The following CENPO variants were observed in gnomAD, a reference collection of about 807,000 sequenced individuals.
CENPO encodes the protein centromere protein O.
CENPO carries 30 observed loss-of-function variants against 36.1 expected under a neutral mutation model. That is an observed-to-expected ratio of 0.83 (90% confidence interval 0.62 to 1.13). The LOEUF (loss-of-function observed/expected upper bound fraction) is 1.13. Among genes scored for constraint, CENPO ranks in the 50% most tolerant of loss-of-function variants. The pLI is 0.00. For missense variants in CENPO, 349 were observed against 357.8 expected (o/e 0.98, Z 0.20); for synonymous variants, 171 against 142.3 (o/e 1.20, Z -1.44).
rs1667408526 is a variant in CENPO, at chr2:24,820,339, T to C, written c.*1021T>C. The C allele has an allele frequency of 7.5e-7, 1 of 1,330,132 alleles. No individual in the cohort carries two copies. The highest frequency in any genetic ancestry group is 9.6e-7 in the Non-Finnish European group (1 of 1,044,726). 82.4% of individuals were successfully genotyped at this position (1,330,132 alleles called of 1,614,324 possible). A position where few individuals can be genotyped will look rare whatever the true frequency, so the allele number is the denominator to read the frequency against. ...GGGGGCCTCCTCTCATCCAGAGACT[T>C]CTCTCCTAGGATGGCCATGGTCACC... On this transcript the variant is annotated 3_prime_UTR_variant, in exon 8 of 8. Transcript: ENST00000380834.
intron 3 of CENPO, among the ~76,000 whole-genome samples, chr2:24,806,945 G>A (rs1356545707): frequency 6.6e-6 from 1 of 152,146 alleles, no homozygotes; most frequent in Admixed American, 6.5e-5. Context: ...TAAATATCAG[G>A]TGATTTGGAT....
chr2:24,815,777 A>G, intron 5 of CENPO, 21 bp downstream of exon 5: 2 of 1,610,840 alleles, frequency 1.2e-6, no homozygotes, highest in Non-Finnish European at 1.7e-6. Flanking sequence ...GGGATGTTAT[A>G]TGCCTCATCC....
chr2:24,806,005 A>G (rs537379616), intron 3 of CENPO, among the ~76,000 whole-genome samples: 307 of 152,282 alleles, frequency 2.0e-3, no homozygotes, highest in African/African-American at 7.1e-3. Flanking sequence ...TTGTTTACCT[A>G]TCCAAGCCTC....
intron 3 of CENPO, among the ~76,000 whole-genome samples, chr2:24,802,036 C>T (rs539079663): frequency 1.2e-4 from 19 of 152,242 alleles, no homozygotes; most frequent in Non-Finnish European, 2.1e-4. Context: ...TTGAAGAGGT[C>T]CTTCACATCC....
At chr2:24,812,902 G>GTTTTTTTTTTTTTTT (rs35639594) in intron 3 of CENPO, among the ~76,000 whole-genome samples, 1 of 105,704 alleles carries the variant, frequency 9.5e-6, no homozygotes, top group African/African-American at 3.6e-5. Flanking sequence ...TATGCCTGTA[G>GTTTTTTTTTTTTTTT]TTTTTTTTTT....
intron 2 of CENPO, among the ~76,000 whole-genome samples, chr2:24,798,975 C>CT (rs70947846): frequency 0.031 from 3,540 of 114,136 alleles, 437 homozygotes; most frequent in African/African-American, 0.067. Context: ...CTGGGGCTTC[C>CT]TTTTTTTTTT....
rs202060563 is a variant in CENPO at position 24,799,856 on chromosome 2, G to A, written c.216+12G>A. The A allele has an allele frequency of 6.2e-7, 1 of 1,612,158 alleles. No individual in the cohort carries two copies. Among genetic ancestry groups the A allele is most frequent in the East Asian group, 2.2e-5 (1 of 44,878 alleles). On this transcript the variant is annotated intron_variant, in intron 3 of 7. Transcript: ENST00000380834. ...ACCGGCGAGCCAGCGTGAGTAGAAG[G>A]GTGGTATCAGCAGTTCCTTTAGAGT...
At chr2:24,817,204 A>G (rs1349068482) in intron 6 of CENPO, among the ~76,000 whole-genome samples, 1 of 152,210 alleles carries the variant, frequency 6.6e-6, no homozygotes, top group East Asian at 1.9e-4. Flanking sequence ...ACACGTCAGC[A>G]CACACTTACT....
intron 2 of CENPO, among the ~76,000 whole-genome samples, chr2:24,797,632 A>G (rs1157527433): frequency 6.6e-6 from 1 of 152,238 alleles, no homozygotes; most frequent in East Asian, 1.9e-4. Flanking sequence ...TCTGTTGTTC[A>G]TCACTATGTT....
intron 7 of CENPO, among the ~76,000 whole-genome samples, chr2:24,818,323 A>G (rs1389769104): frequency 1.3e-5 from 2 of 152,226 alleles, no homozygotes; most frequent in Non-Finnish European, 2.9e-5. Flanking sequence ...CACTGATCTA[A>G]ATAAATGGAA....
At chr2:24,810,014 C>T (rs1019101947) in intron 3 of CENPO, among the ~76,000 whole-genome samples, 4 of 150,690 alleles carry the variant, frequency 2.7e-5, no homozygotes, top group East Asian at 1.9e-4. Context: ...TGTCACTCTA[C>T]TCCAGCCTGG....
At position 24,820,535 on chromosome 2, in the gene CENPO, T is replaced by G; in HGVS notation, c.*1217T>G. 7.1e-7 allele frequency: 1 copy of G among 1,401,340 alleles called. No individual in the cohort carries two copies. The highest frequency in any genetic ancestry group is 1.5e-5 in the South Asian group (1 of 64,622). 86.8% of individuals were successfully genotyped at this position (1,401,340 alleles called of 1,614,324 possible). A position where few individuals can be genotyped will look rare whatever the true frequency, so the allele number is the denominator to read the frequency against. ...AGAACTTCAGCCCAGATTTTGTGGA[T>G]GGGTGGAAGTGTTTCTTCCTGTGCT... On this transcript the variant is annotated 3_prime_UTR_variant, in exon 8 of 8. Coordinates refer to ENST00000380834, the MANE Select transcript of CENPO (RefSeq NM_001322101.2).
At chr2:24,805,860 G>C (rs1666377646) in intron 3 of CENPO, among the ~76,000 whole-genome samples, 1 of 152,204 alleles carries the variant, frequency 6.6e-6, no homozygotes. Context: ...CTATCAGACA[G>C]GGACATTTAA....
In CENPO at chr2:24,819,524, A is replaced by G. The variant is rs573282339; in HGVS notation, c.*206A>G. On this transcript the variant is annotated 3_prime_UTR_variant, in exon 8 of 8. Coordinates refer to ENST00000380834, the MANE Select transcript of CENPO (RefSeq NM_001322101.2). ...GAGACCTCCCTTCAAAATGGGAGCC[A>G]TGTCCTGCCCCACCAAGCCCTGTCT... 5.6e-4 allele frequency: 88 copies of G among 158,350 alleles called. No individual in the cohort carries two copies. The highest frequency in any genetic ancestry group is 1.1e-3 in the Non-Finnish European group (81 of 71,764). 9.8% of individuals were successfully genotyped at this position (158,350 alleles called of 1,614,324 possible).
chr2:24,818,641 CACAGTT>C (rs200488677), intron 7 of CENPO, among the ~76,000 whole-genome samples: 504 of 45,604 alleles, frequency 0.011, 2 homozygotes, highest in African/African-American at 0.019. Flanking sequence ...TCTGAAAAAG[CACAGTT>C]AGTTAGTTAG....
chr2:24,801,413 C>G (rs1194559278), intron 3 of CENPO, among the ~76,000 whole-genome samples: 2 of 152,124 alleles, frequency 1.3e-5, no homozygotes, highest in Non-Finnish European at 2.9e-5. Flanking sequence ...ATGCCTATGT[C>G]CTGAATGGTA....
chr2:24,803,838 A>G (rs1435456101), intron 3 of CENPO, among the ~76,000 whole-genome samples: 4 of 152,166 alleles, frequency 2.6e-5, no homozygotes, highest in African/African-American at 7.2e-5. Flanking sequence ...GTAGATGTCT[A>G]TTAGGTCCGC....
rs368031341 is a variant in CENPO, at chr2:24,799,654, T to G, written c.47-21T>G. Reference sequence around the variant, plus strand: ...GAGAAATCCTCAGCTTCTTGTAAAATTCTCCTTTTACTCTCCTTAGGTGTT... The same window carrying G: ...GAGAAATCCTCAGCTTCTTGTAAAAGTCTCCTTTTACTCTCCTTAGGTGTT... On this transcript the variant is annotated intron_variant, in intron 2 of 7. Transcript: ENST00000380834. The G allele has an allele frequency of 8.9e-6, 14 of 1,565,958 alleles. No individual in the cohort carries two copies. In the African/African-American group the frequency reaches 1.5e-4, roughly 17 times the overall value.
rs1667461670 is a variant in CENPO at position 24,820,537 on chromosome 2, G to T, written c.*1219G>T. 2 of 1,401,248 alleles carry T rather than the reference G, an allele frequency of 1.4e-6. No individual in the cohort carries two copies. Among genetic ancestry groups the T allele is most frequent in the East Asian group, 5.1e-5 (2 of 39,026 alleles). 86.8% of individuals were successfully genotyped at this position (1,401,248 alleles called of 1,614,324 possible). A position where few individuals can be genotyped will look rare whatever the true frequency, so the allele number is the denominator to read the frequency against. On this transcript the variant is annotated 3_prime_UTR_variant, in exon 8 of 8. Coordinates refer to ENST00000380834, the MANE Select transcript of CENPO (RefSeq NM_001322101.2). ...AACTTCAGCCCAGATTTTGTGGATG[G>T]GTGGAAGTGTTTCTTCCTGTGCTGA...
Sources: gnomAD v4.1 joint callset for allele counts (sites outside exome capture counted in the v4.1 genomes callset) on GRCh38, gnomAD v4.1.1 for gene constraint, MANE v1.5 for transcripts, NCBI Gene and HGNC (gene_info 2026-07-23, HGNC 2026-07-21) for gene names.